CEP290: variants seen among roughly 807,000 people sequenced by gnomAD.
CEP290 encodes centrosomal protein of 290 kDa.
A neutral mutation model predicts 344.9 loss-of-function variants in CEP290; 317 were observed. That is an observed-to-expected ratio of 0.92 (90% confidence interval 0.84 to 1.01). CEP290 has a LOEUF of 1.01. Among genes scored for constraint, CEP290 ranks in the 50% least tolerant of loss-of-function variants. CEP290 has a pLI of 0.00. For synonymous variants in CEP290, 932 were observed against 895.8 expected, an observed-to-expected ratio of 1.04 and a Z score of -0.72; for missense variants, 2,754 against 2,761.4, an observed-to-expected ratio of 1.00 and a Z score of 0.06.
intron 48 of CEP290, 59 bp from the exon 49 acceptor site, chr12:88,059,079 C>G: frequency 1.5e-6 from 2 of 1,331,526 alleles, no homozygotes; most frequent in South Asian, 3.0e-5. Context: ...CTCATAGATT[C>G]AGTGTATTCA....
At chr12:88,119,804 A>G (rs546524340) in intron 15 of CEP290, among the ~76,000 whole-genome samples, 63 of 151,382 alleles carry the variant, frequency 4.2e-4, no homozygotes, top group African/African-American at 1.5e-3. Flanking sequence ...TTTTGTTGGG[A>G]AAAAAAAAGG....
In CEP290 at chr12:88,083,040, A is replaced by T; in HGVS notation, c.5003T>A (p.Ile1668Asn). ...CATTTCGAAGACTTACTGTAATTTG[A>T]TATTTTCAAATTCTTTTACTTTTAA... is the stretch of plus-strand genomic sequence containing the variant. ...TELKVKEFEN[I>N]KLQLQENHED... Residue 1668 changes from isoleucine (I) to asparagine (N), a missense_variant, in exon 37 of 54, where the codon ATC becomes AAC. Ile to Asn is a moderately radical substitution (Grantham distance 149). Coordinates refer to ENST00000552810, the MANE Select transcript of CEP290 (RefSeq NM_025114.4). 6.7e-7 allele frequency: 1 copy of T among 1,485,648 alleles called. No homozygotes were observed. The highest frequency in any genetic ancestry group is 9.1e-7 in the Non-Finnish European group (1 of 1,101,770). 92.0% of individuals were successfully genotyped at this position (1,485,648 alleles called of 1,614,324 possible).
Position 88,117,076 on chromosome 12 carries a change from A to T in CEP290, c.1781T>A (p.Leu594Ter), listed in dbSNP as rs371496675. ...SQGDRISERK[L>*]DLLSLKNMSE... Reference sequence around the variant, plus strand: ...CATATTTTTGAGGCTCAATAAATCCAATTTTCTTTCACTTATTCTATCTCC... The same window carrying T: ...CATATTTTTGAGGCTCAATAAATCCTATTTTCTTTCACTTATTCTATCTCC... Residue 594 changes from leucine (L) to a stop codon, truncating the protein, a stop_gained, in exon 18 of 54, where the codon TTG becomes TAG. Transcript: ENST00000552810. LOFTEE classifies it high-confidence loss of function. 3.5e-5 allele frequency: 54 copies of T among 1,560,922 alleles called. No individual in the cohort carries two copies. Among genetic ancestry groups the T allele is most frequent in the Non-Finnish European group, 4.4e-5 (51 of 1,149,308 alleles).
At chr12:88,049,523 CA>C (rs1373692858) in intron 53 of CEP290, 109 bp from the exon 54 acceptor site, 2 of 648,796 alleles carry the variant, frequency 3.1e-6, no homozygotes, top group Non-Finnish European at 5.4e-6. Context: ...CCTGAATGGT[CA>C]AATACAGCAA....
chr12:88,140,243 G>A (rs572007266), intron 3 of CEP290, among the ~76,000 whole-genome samples: 3 of 151,988 alleles, frequency 2.0e-5, no homozygotes, highest in Non-Finnish European at 2.9e-5. Context: ...TTTAAACTCC[G>A]CTATAATGTG....
In CEP290 at chr12:88,123,912, A is replaced by G. The variant is rs374779508; in HGVS notation, c.1189+1334T>C. On this transcript the variant is annotated intron_variant, in intron 13 of 53. Transcript: ENST00000552810. ...ACCAAAACTTTTGGTTCAGACCAAG[A>G]GTTCTCTCTCTCTCACATCCTACAT... 7.9e-5 allele frequency among the ~76,000 whole-genome samples: 12 copies of G among 152,138 alleles called. No individual in the cohort carries two copies. In the South Asian group the frequency reaches 1.5e-3, roughly 18 times the overall value.
intron 48 of CEP290, among the ~76,000 whole-genome samples, 200 bp downstream of exon 48, chr12:88,059,698 T>G (rs1033521362): frequency 1.3e-5 from 2 of 152,204 alleles, no homozygotes; most frequent in Non-Finnish European, 2.9e-5. Context: ...TGAGCCACCG[T>G]GCCCAGCCTA....
At chr12:88,091,978 T>C (rs1285495094) in intron 29 of CEP290, among the ~76,000 whole-genome samples, 1 of 152,100 alleles carries the variant, frequency 6.6e-6, no homozygotes, top group African/African-American at 2.4e-5. Flanking sequence ...AGTGGCGCGA[T>C]CTCGGCTCAC....
chr12:88,093,924 A>C lies in CEP290; in HGVS notation c.3155T>G (p.Ile1052Ser). Residue 1052 changes from isoleucine to serine, a missense_variant, in exon 28 of 54, where the codon ATT becomes AGT. Ile to Ser is a moderately radical substitution (Grantham distance 142). Coordinates refer to ENST00000552810, the MANE Select transcript of CEP290 (RefSeq NM_025114.4). ...AGTTATTTTTTTTGAAATGGAAACA[A>C]TGTCACTGTTGGTTATTGATTTCTT... ...KAKKSITNSD[I>S]VSISKKITML... 6.2e-7 allele frequency: 1 copy of C among 1,612,688 alleles called. No homozygotes were observed. The highest frequency in any genetic ancestry group is 8.5e-7 in the Non-Finnish European group (1 of 1,179,394).
At chr12:88,136,313 A>T in intron 6 of CEP290, 2 of 258,576 alleles carry the variant, frequency 7.7e-6, no homozygotes, top group Non-Finnish European at 7.4e-6. Context: ...AAACTATGGC[A>T]CTAGAAAGAT....
intron 13 of CEP290, among the ~76,000 whole-genome samples, chr12:88,122,452 G>A (rs941464332): frequency 6.6e-6 from 1 of 152,104 alleles, no homozygotes; most frequent in Non-Finnish European, 1.5e-5. Context: ...TGTCTATCTT[G>A]ATTTTGCCAT....
At position 88,102,867 on chromosome 12, in the gene CEP290, G is replaced by T; in HGVS notation, c.2962C>A (p.Gln988Lys). The T allele has an allele frequency of 1.2e-6, 2 of 1,610,084 alleles. No homozygotes were observed. The highest frequency in any genetic ancestry group is 2.2e-5 in the South Asian group (2 of 90,244). Residue 988 changes from glutamine to lysine, a missense_variant, in exon 26 of 54, where the codon CAA becomes AAA. Physicochemically the swap from Gln to Lys is moderately conservative, Grantham distance 53 (BLOSUM62 1). Transcript: ENST00000552810. ...AGGTGTTCCAAGTTACTTGTTCTTT[G>T]AACAAGCATATTATCTTTTTGCAAG... The part of the protein sequence containing the change: ...DILQKDNMLV[Q>K]RTSNLEHLEC...
chr12:88,099,550 C>T (rs981989636), intron 26 of CEP290, among the ~76,000 whole-genome samples: 2 of 151,990 alleles, frequency 1.3e-5, no homozygotes, highest in Non-Finnish European at 2.9e-5. Context: ...TATCCTAGAA[C>T]TTATATTTGA....
rs758459529 is a variant in CEP290, at chr12:88,080,296, T to C, written c.5112A>G (p.Leu1704=). The change falls in exon 38 of 54, where the codon TTA becomes TTG. Residue 1704 remains leucine, a synonymous_variant. Coordinates refer to ENST00000552810, the MANE Select transcript of CEP290 (RefSeq NM_025114.4). ...LDQSQKESQC[L]KSELQAQKEA... is the part of the protein sequence containing the mutation. ...CTTTTTGAGCCTGAAGTTCAGATTT[T>C]AAACACTGTGACTCCTTTTGTGACT... The C allele has an allele frequency of 1.7e-5, 28 of 1,613,700 alleles. No homozygotes were observed. The highest frequency in any genetic ancestry group is 2.1e-5 in the Non-Finnish European group (25 of 1,179,726).
At position 88,080,994 on chromosome 12, in the gene CEP290, G is replaced by T. The variant is rs2137116788; in HGVS notation, c.5013-599C>A. On this transcript the variant is annotated intron_variant, in intron 37 of 53. Transcript: ENST00000552810. ...AAATATACAGAGAATGAACAAAAAGGCATTTTAAATATTATGGCTCTTGTA... is the reference window on the plus strand; with the variant it reads ...AAATATACAGAGAATGAACAAAAAGTCATTTTAAATATTATGGCTCTTGTA... 1.3e-5 allele frequency among the ~76,000 whole-genome samples: 2 copies of T among 152,170 alleles called. 1 individual carries two copies. The highest frequency in any genetic ancestry group is 6.8e-3 in the Middle Eastern group (2 of 294).
intron 34 of CEP290, 47 bp downstream of exon 34, chr12:88,085,992 A>C (rs569516209): frequency 6.5e-7 from 1 of 1,543,342 alleles, no homozygotes; most frequent in East Asian, 2.3e-5. Context: ...AAGCCCCCCA[A>C]ACATACCAAA....
At chr12:88,130,635 G>A in intron 7 of CEP290, 70 bp from the exon 8 acceptor site, 1 of 1,383,020 alleles carries the variant, frequency 7.2e-7, no homozygotes, top group Non-Finnish European at 9.5e-7. Flanking sequence ...ATAATAATCA[G>A]AAACTAAAGA....
At position 88,136,772 on chromosome 12, in the gene CEP290, A is replaced by C. The variant is rs2138217275; in HGVS notation, c.312T>G (p.Ser104=). 1.2e-6 allele frequency: 2 copies of C among 1,613,660 alleles called. No homozygotes were observed. The highest frequency in any genetic ancestry group is 1.7e-6 in the Non-Finnish European group (2 of 1,179,732). ...LENELEMAQQ[S]AGGRDTRFLR... is the part of the protein sequence containing the mutation. ...AAAACCGAGTATCTCGTCCACCTGC[A>C]GACTGCTGAGCCATCTTAAAGTAAT... Residue 104 remains serine (S), a synonymous_variant, in exon 6 of 54, where the codon TCT becomes TCG. Coordinates refer to ENST00000552810, the MANE Select transcript of CEP290 (RefSeq NM_025114.4).
At chr12:88,090,435 C>T (rs371326108) in intron 30 of CEP290, among the ~76,000 whole-genome samples, 2 of 152,096 alleles carry the variant, frequency 1.3e-5, no homozygotes, top group South Asian at 4.1e-4. Context: ...AGTTTGGGAC[C>T]AGCCTAGGCA....
Sources: gnomAD v4.1 joint callset for allele counts (sites outside exome capture counted in the v4.1 genomes callset) on GRCh38, gnomAD v4.1.1 for gene constraint, MANE v1.5 for transcripts, NCBI Gene and HGNC (gene_info 2026-07-23, HGNC 2026-07-21) for gene names.